Variants in UXS1 observed in about 807,000 individuals in gnomAD.
UXS1 encodes UDP-glucuronate decarboxylase 1.
Under a neutral mutation model 62.6 loss-of-function variants are expected in UXS1, and 33 were observed. The observed-to-expected ratio is 0.53, with a 90% CI of 0.40 to 0.70. The LOEUF (loss-of-function observed/expected upper bound fraction) is 0.70, where lower values mean the gene tolerates loss of function less well. Among genes scored for constraint, UXS1 ranks in the 30% least tolerant of loss-of-function variants. The pLI is 0.00. For synonymous variants in UXS1, 213 were observed against 206.8 expected (o/e 1.03, Z -0.26); for missense variants, 434 against 556.3 (o/e 0.78, Z 2.21).
chr2:106,164,756 T>A lies in UXS1; in HGVS notation c.166A>T (p.Ile56Phe), dbSNP rs748020651. 1.9e-6 allele frequency: 3 copies of A among 1,588,878 alleles called. No homozygotes were observed. Among genetic ancestry groups the A allele is most frequent in the Non-Finnish European group, 2.6e-6 (3 of 1,166,736 alleles). ...CTAACCTCTTCAATCTTGCTTTCAATTTTTAGTTCACCATTTTCCTGGATA... is the reference window on the plus strand; with the variant it reads ...CTAACCTCTTCAATCTTGCTTTCAAATTTTAGTTCACCATTTTCCTGGATA... ...RSIQENGELK[I>F]ESKIEEMVEP... The change falls in exon 3 of 15, where the codon ATT becomes TTT. Residue 56 changes from isoleucine to phenylalanine, a missense_variant. By Grantham distance (21) the Ile-to-Phe change is conservative. Transcript: ENST00000283148.
At chr2:106,180,852 C>T (rs891032437) in intron 1 of UXS1, among the ~76,000 whole-genome samples, 1 of 152,182 alleles carries the variant, frequency 6.6e-6, no homozygotes, top group African/African-American at 2.4e-5. Flanking sequence ...CTCCCAACTT[C>T]GCAAATATCA....
chr2:106,128,850 T>C (rs1298678041), intron 7 of UXS1, among the ~76,000 whole-genome samples: 1 of 152,214 alleles, frequency 6.6e-6, no homozygotes, highest in Non-Finnish European at 1.5e-5. Flanking sequence ...CACGCTTTGT[T>C]CAAATTAAAA....
intron 10 of UXS1, 69 bp downstream of exon 10, chr2:106,112,577 C>A: frequency 3.2e-6 from 5 of 1,580,810 alleles, no homozygotes; most frequent in Non-Finnish European, 4.3e-6. Flanking sequence ...ATGCACTTAT[C>A]CCTCATCCTT....
chr2:106,145,287 ATTGT>A lies in UXS1; in HGVS notation c.371_374del (p.Asp124ValfsTer21). 1 of 1,613,972 alleles carries A rather than the reference ATTGT, an allele frequency of 6.2e-7. No homozygotes were observed. Reference sequence around the variant, plus strand: ...CGTTTCTCTTCCTGCCCGTGAAGAAATTGTCCACCACGGTCACCTCGTGGCCGTC... The same window carrying A: ...CGTTTCTCTTCCTGCCCGTGAAGAAACCACCACGGTCACCTCGTGGCCGTC... On this transcript the variant is annotated frameshift_variant, in exon 6 of 15. Coordinates refer to ENST00000283148, the MANE Select transcript of UXS1 (RefSeq NM_001253875.2). LOFTEE classifies it high-confidence loss of function.
At chr2:106,140,548 C>A (rs1681018104) in intron 6 of UXS1, among the ~76,000 whole-genome samples, 1 of 151,804 alleles carries the variant, frequency 6.6e-6, no homozygotes, top group South Asian at 2.1e-4. Flanking sequence ...CTTGGCTCTC[C>A]CATCTTCCCT....
chr2:106,161,242 G>T (rs973480803), intron 4 of UXS1, among the ~76,000 whole-genome samples: 5 of 152,018 alleles, frequency 3.3e-5, no homozygotes, highest in African/African-American at 9.7e-5. Flanking sequence ...ACCCCAGATG[G>T]AGTGTAGCGG....
chr2:106,123,569 G>A (rs1395232815), intron 8 of UXS1, among the ~76,000 whole-genome samples: 3 of 152,188 alleles, frequency 2.0e-5, no homozygotes, highest in Non-Finnish European at 4.4e-5. Flanking sequence ...ACAAGTCAAC[G>A]TGGAGGCTCC....
intron 1 of UXS1, among the ~76,000 whole-genome samples, chr2:106,176,546 C>G (rs1457403904): frequency 6.6e-6 from 1 of 152,212 alleles, no homozygotes; most frequent in Non-Finnish European, 1.5e-5. Context: ...GGTCAGGCAT[C>G]ATGATAGACC....
At chr2:106,147,750 G>A (rs953370237) in intron 5 of UXS1, among the ~76,000 whole-genome samples, 5 of 151,978 alleles carry the variant, frequency 3.3e-5, no homozygotes, top group Admixed American at 1.3e-4. Context: ...AAACTAATCC[G>A]CCTGCCTCGG....
At chr2:106,127,286 G>A (rs911474331) in intron 7 of UXS1, among the ~76,000 whole-genome samples, 3 of 152,126 alleles carry the variant, frequency 2.0e-5, no homozygotes, top group Non-Finnish European at 4.4e-5. Flanking sequence ...TCTTACAGTA[G>A]ATGCATACTT....
chr2:106,188,064 A>G (rs1005677824), intron 1 of UXS1, among the ~76,000 whole-genome samples: 4 of 152,228 alleles, frequency 2.6e-5, no homozygotes, highest in Non-Finnish European at 5.9e-5. Flanking sequence ...TTCAAAGGCT[A>G]AAGGTGAAAA....
At chr2:106,155,986 T>C (rs1260519143) in intron 5 of UXS1, among the ~76,000 whole-genome samples, 1 of 152,074 alleles carries the variant, frequency 6.6e-6, no homozygotes, top group Non-Finnish European at 1.5e-5. Context: ...GTGCCCTTAG[T>C]TTAGGCAAGA....
intron 1 of UXS1, among the ~76,000 whole-genome samples, chr2:106,179,229 C>A (rs1418188190): frequency 6.6e-6 from 1 of 152,100 alleles, no homozygotes. Context: ...TGTGATGAAG[C>A]CTCCATGGTC....
chr2:106,169,945 T>C (rs753851673), intron 1 of UXS1, among the ~76,000 whole-genome samples: 3 of 152,074 alleles, frequency 2.0e-5, no homozygotes, highest in Non-Finnish European at 4.4e-5. Flanking sequence ...CCTTCATAAA[T>C]GGATAAGAAT....
intron 5 of UXS1, among the ~76,000 whole-genome samples, chr2:106,149,538 C>T (rs1261818346): frequency 6.6e-6 from 1 of 152,190 alleles, no homozygotes; most frequent in African/African-American, 2.4e-5. Flanking sequence ...TCTCTTTACC[C>T]ATCCACTACG....
At chr2:106,124,304 C>G (rs905782158) in intron 8 of UXS1, among the ~76,000 whole-genome samples, 3 of 152,208 alleles carry the variant, frequency 2.0e-5, no homozygotes, top group African/African-American at 7.2e-5. Context: ...GCTGGGTACG[C>G]CCATCTGTCC....
At chr2:106,122,887 C>T in intron 9 of UXS1, 83 bp downstream of exon 9, 1 of 1,531,364 alleles carries the variant, frequency 6.5e-7, no homozygotes, top group Admixed American at 1.9e-5. Context: ...TCAGTCATGG[C>T]ATTCATTCCT....
At chr2:106,120,929 C>T (rs866017019) in intron 9 of UXS1, among the ~76,000 whole-genome samples, 16 of 152,198 alleles carry the variant, frequency 1.1e-4, no homozygotes, top group African/African-American at 3.6e-4. Context: ...AACCAGCTGA[C>T]CACACGGGGG....
intron 5 of UXS1, 94 bp downstream of exon 5, chr2:106,157,964 T>G: frequency 8.9e-7 from 1 of 1,117,816 alleles, no homozygotes; most frequent in Non-Finnish European, 1.3e-6. Flanking sequence ...ATCGTATCTT[T>G]GAGAAGCGTG....
Sources: allele counts gnomAD v4.1 joint callset (sites outside exome capture counted in the v4.1 genomes callset), GRCh38; gene constraint gnomAD v4.1.1; transcripts MANE v1.5; gene names NCBI Gene and HGNC (gene_info 2026-07-23, HGNC 2026-07-21).